TBC1D22A: variants seen among roughly 807,000 people sequenced by gnomAD.
TBC1D22A encodes putative GTPase activator.
TBC1D22A carries 38 observed loss-of-function variants against 60.2 expected under a neutral mutation model. The ratio of observed to expected loss-of-function variants is 0.63; its 90% confidence interval spans 0.49 to 0.83. The LOEUF (loss-of-function observed/expected upper bound fraction) is 0.83. Among genes scored for constraint, TBC1D22A ranks in the 40% least tolerant of loss-of-function variants. TBC1D22A has a pLI of 0.00. For missense variants in TBC1D22A, 628 were observed against 701.0 expected, an observed-to-expected ratio of 0.90 and a Z score of 1.18; for synonymous variants, 302 against 281.7, an observed-to-expected ratio of 1.07 and a Z score of -0.72.
At chr22:46,783,399 A>G (rs1053280402) in intron 1 of TBC1D22A, among the ~76,000 whole-genome samples, 4 of 152,196 alleles carry the variant, frequency 2.6e-5, no homozygotes, top group Non-Finnish European at 4.4e-5. Flanking sequence ...TTAAAAAACT[A>G]GAAAGCGTTT....
chr22:47,164,705 G>A (rs982188949), intron 12 of TBC1D22A, among the ~76,000 whole-genome samples: 4 of 152,216 alleles, frequency 2.6e-5, no homozygotes, highest in Non-Finnish European at 5.9e-5. Flanking sequence ...CAATCTGCGG[G>A]TCTTCTGCAG....
intron 4 of TBC1D22A, among the ~76,000 whole-genome samples, chr22:46,829,880 C>G (rs1384731748): frequency 6.6e-6 from 1 of 152,100 alleles, no homozygotes; most frequent in African/African-American, 2.4e-5. Context: ...GTTGATATTT[C>G]TAAACAATGG....
intron 1 of TBC1D22A, among the ~76,000 whole-genome samples, chr22:46,775,751 G>T (rs1230443392): frequency 6.6e-6 from 1 of 152,232 alleles, no homozygotes; most frequent in African/African-American, 2.4e-5. Flanking sequence ...ATAGCTGAGA[G>T]AAAAGGCCAC....
chr22:47,039,704 G>GAAAA lies in TBC1D22A; in HGVS notation c.1329+2526_1329+2529dup, dbSNP rs34793078. On this transcript the variant is annotated intron_variant, in intron 11 of 12. Transcript: ENST00000337137. ...TCCCTCATGGATGCGTGCATTTCAG[G>GAAAA]AAAAAAAAAAAAAAAAAAAAAAAGA... 6.5e-3 allele frequency among the ~76,000 whole-genome samples: 527 copies of GAAAA among 81,406 alleles called. 6 individuals are homozygous for GAAAA. Among genetic ancestry groups the GAAAA allele is most frequent in the African/African-American group, 0.019 (398 of 20,616 alleles). 53.4% of individuals were successfully genotyped at this position (81,406 alleles called of 152,430 possible).
At chr22:46,948,152 C>T (rs1004613306) in intron 8 of TBC1D22A, among the ~76,000 whole-genome samples, 1 of 152,162 alleles carries the variant, frequency 6.6e-6, no homozygotes, top group Non-Finnish European at 1.5e-5. Context: ...TAAAAACAAA[C>T]CTGCATATCT....
At chr22:46,892,186 G>A (rs1445696079) in intron 6 of TBC1D22A, among the ~76,000 whole-genome samples, 1 of 152,024 alleles carries the variant, frequency 6.6e-6, no homozygotes, top group Non-Finnish European at 1.5e-5. Flanking sequence ...CCTGAGGCAC[G>A]GCAGGAATGT....
In TBC1D22A at chr22:46,762,790, G is replaced by A. The variant is rs1834200310; in HGVS notation, c.4G>A (p.Ala2Thr). Residue 2 changes from alanine (A) to threonine (T), a missense_variant, in exon 1 of 13, where the codon GCC becomes ACC. Physicochemically the swap from Ala to Thr is moderately conservative, Grantham distance 58 (BLOSUM62 0). Coordinates refer to ENST00000337137, the MANE Select transcript of TBC1D22A (RefSeq NM_014346.5). ...GTCTGAGGGATGAGGAGGGGCCATG[G>A]CCAGCGACGGGGCCAGGAAGCAATT... M[A>T]SDGARKQFWK... 6 of 1,450,194 alleles carry A rather than the reference G, an allele frequency of 4.1e-6. No individual in the cohort carries two copies. The highest frequency in any genetic ancestry group is 4.5e-6 in the Non-Finnish European group (5 of 1,109,090). The allele number at this position is 1,450,194 out of a possible 1,614,324, so 89.8% of individuals were successfully genotyped here.
chr22:46,923,743 G>A (rs957904120), intron 8 of TBC1D22A, among the ~76,000 whole-genome samples: 21 of 152,204 alleles, frequency 1.4e-4, no homozygotes, highest in African/African-American at 4.1e-4. Flanking sequence ...TTACATAGTC[G>A]AGTGCATATT....
intron 10 of TBC1D22A, among the ~76,000 whole-genome samples, chr22:47,000,535 C>T (rs989136139): frequency 3.9e-5 from 6 of 152,090 alleles, no homozygotes; most frequent in African/African-American, 4.8e-5. Context: ...TAATGGAAGC[C>T]GCGTGGAAAG....
intron 11 of TBC1D22A, among the ~76,000 whole-genome samples, chr22:47,092,312 A>G (rs1274278294): frequency 6.6e-6 from 1 of 152,118 alleles, no homozygotes; most frequent in Non-Finnish European, 1.5e-5. Flanking sequence ...ACAGAGAGGT[A>G]TGGAGGGAGC....
chr22:47,093,952 G>T (rs1190006636), intron 11 of TBC1D22A, among the ~76,000 whole-genome samples: 2 of 152,188 alleles, frequency 1.3e-5, no homozygotes, highest in Admixed American at 1.3e-4. Context: ...AGCCCAGGAG[G>T]TGGGAACTCA....
chr22:47,054,195 A>C (rs1311521005), intron 11 of TBC1D22A, among the ~76,000 whole-genome samples: 1 of 152,204 alleles, frequency 6.6e-6, no homozygotes, highest in Non-Finnish European at 1.5e-5. Flanking sequence ...CCCACAATGC[A>C]GTGAAAGAGG....
intron 12 of TBC1D22A, among the ~76,000 whole-genome samples, chr22:47,142,125 G>A (rs755769355): frequency 1.5e-4 from 23 of 152,100 alleles, no homozygotes; most frequent in Non-Finnish European, 2.5e-4. Flanking sequence ...GTTCCCAGTA[G>A]GAAGATGGGA....
intron 4 of TBC1D22A, among the ~76,000 whole-genome samples, chr22:46,866,828 G>T (rs1406889564): frequency 6.6e-6 from 1 of 152,236 alleles, no homozygotes; most frequent in African/African-American, 2.4e-5. Context: ...ATGCGGAAGC[G>T]TTAACTTGCT....
At chr22:46,960,105 A>C (rs563665220) in intron 8 of TBC1D22A, among the ~76,000 whole-genome samples, 157 of 152,322 alleles carry the variant, frequency 1.0e-3, no homozygotes, top group African/African-American at 3.5e-3. Flanking sequence ...GGAGCAGGCA[A>C]AAGGGCCTGA....
rs1417281424 is a variant in TBC1D22A at position 46,793,785 on chromosome 22, G to A, written c.404G>A (p.Ser135Asn). 1 of 1,601,314 alleles carries A rather than the reference G, an allele frequency of 6.2e-7. No homozygotes were observed. The highest frequency in any genetic ancestry group is 8.5e-7 in the Non-Finnish European group (1 of 1,174,644). Residue 135 changes from serine (S) to asparagine (N), a missense_variant, in exon 3 of 13, where the codon AGC becomes AAC. Transcript: ENST00000337137. ...GAGGCAGAGCCGCCCTCACCCCCCA[G>A]CGGCGACCTCCGGCTGGTGAAGTCG... ...RPEAEPPSPP[S>N]GDLRLVKSVS...
rs187628354 is a variant in TBC1D22A, at chr22:46,985,887, C to A, written c.1125+11488C>A. Among the ~76,000 whole-genome samples, 183 of 152,336 alleles carry A rather than the reference C, an allele frequency of 1.2e-3. 1 individual carries two copies. Among genetic ancestry groups the A allele is most frequent in the African/African-American group, 4.2e-3 (174 of 41,582 alleles). ...GAATGTTTGCTTCTGTGGCTTGTCA[C>A]TTCATTTCATTAACAATGTCTTCTA... On this transcript the variant is annotated intron_variant, in intron 9 of 12. Transcript: ENST00000337137.
intron 12 of TBC1D22A, among the ~76,000 whole-genome samples, chr22:47,123,234 G>A (rs745686421): frequency 2.0e-5 from 3 of 152,062 alleles, no homozygotes; most frequent in Non-Finnish European, 4.4e-5. Context: ...CCCGGGTGAC[G>A]CTTCCTCCAT....
At position 46,792,574 on chromosome 22, in the gene TBC1D22A, C is replaced by CACGTAAGTG; in HGVS notation, c.119+3_119+11dup. The CACGTAAGTG allele has an allele frequency of 6.2e-7, 1 of 1,614,242 alleles. No individual in the cohort carries two copies. The highest frequency in any genetic ancestry group is 8.5e-7 in the Non-Finnish European group (1 of 1,180,040). ...CCCCCTTTGATCCACTGTTACATGG[C>CACGTAAGTG]ACGTAAGTGACGTTCCAACCTCACT... On this transcript the variant is annotated stop_gained and inframe_insertion and splice_region_variant, in exon 2 of 13. Transcript: ENST00000337137. LOFTEE classifies it high-confidence loss of function.
Sources: gnomAD v4.1 joint callset for allele counts (sites outside exome capture counted in the v4.1 genomes callset) on GRCh38, gnomAD v4.1.1 for gene constraint, MANE v1.5 for transcripts, NCBI Gene and HGNC (gene_info 2026-07-23, HGNC 2026-07-21) for gene names.